EPB41L4A: variants seen among roughly 807,000 people sequenced by gnomAD.
The protein encoded by EPB41L4A is band 4.1-like protein 4A.
Under a neutral mutation model 108.6 loss-of-function variants are expected in EPB41L4A, and 100 were observed. The observed-to-expected ratio is 0.92, with a 90% CI of 0.78 to 1.09. The LOEUF (loss-of-function observed/expected upper bound fraction) is 1.09, where lower values mean the gene tolerates loss of function less well. Among genes scored for constraint, EPB41L4A ranks in the 50% least tolerant of loss-of-function variants. The pLI is 0.00. For missense variants in EPB41L4A, 1,030 were observed against 842.7 expected (o/e 1.22, Z -2.75); for synonymous variants, 319 against 289.0 (o/e 1.10, Z -1.05).
chr5:112,407,926 C>A (rs944934470), intron 1 of EPB41L4A, among the ~76,000 whole-genome samples: 1 of 152,322 alleles, frequency 6.6e-6, no homozygotes, highest in Middle Eastern at 3.4e-3. Flanking sequence ...TACAGTGTCG[C>A]TGCTCCAGGA....
intron 1 of EPB41L4A, among the ~76,000 whole-genome samples, chr5:112,313,281 A>T (rs893499177): frequency 2.0e-5 from 3 of 152,190 alleles, no homozygotes; most frequent in African/African-American, 7.2e-5. Flanking sequence ...ACAGGGAGAG[A>T]TTTGGTTATC....
At chr5:112,281,310 G>A (rs898778279) in intron 2 of EPB41L4A, among the ~76,000 whole-genome samples, 1 of 152,210 alleles carries the variant, frequency 6.6e-6, no homozygotes, top group Non-Finnish European at 1.5e-5. Context: ...GTCCTGGGGA[G>A]AGGCCTTCCT....
At position 112,264,946 on chromosome 5, in the gene EPB41L4A, A is replaced by T; in HGVS notation, c.504T>A (p.Asp168Glu). Residue 168 changes from aspartate to glutamate, a missense_variant, in exon 6 of 23, where the codon GAT becomes GAA. Transcript: ENST00000261486. ...GYVSEYRFVP[D>E]QKEELEEAIE... ...TGGCTTCTTCAAGTTCTTCCTTCTG[A>T]TCAGGAACAAACCGGTACTCAGATA... The T allele has an allele frequency of 6.2e-7, 1 of 1,612,588 alleles. No individual in the cohort carries two copies. The highest frequency in any genetic ancestry group is 8.5e-7 in the Non-Finnish European group (1 of 1,179,356).
At chr5:112,203,551 C>T (rs1439437183) in intron 15 of EPB41L4A, among the ~76,000 whole-genome samples, 1 of 152,152 alleles carries the variant, frequency 6.6e-6, no homozygotes, top group Non-Finnish European at 1.5e-5. Context: ...AGGTCCAAAA[C>T]TTCCAGCTAA....
downstream of EPB41L4A, chr5:112,160,761 C>G (rs1404592925): frequency 6.4e-6 from 1 of 155,882 alleles, no homozygotes; most frequent in Non-Finnish European, 1.5e-5. Flanking sequence ...ACGGCGGCGT[C>G]TCGCCATAGC....
At chr5:112,374,844 G>A (rs1357537571) in intron 1 of EPB41L4A, among the ~76,000 whole-genome samples, 2 of 152,214 alleles carry the variant, frequency 1.3e-5, no homozygotes, top group African/African-American at 4.8e-5. Context: ...AGTCTATCCT[G>A]TGGCCTTTCA....
chr5:112,382,827 G>A (rs535271108), intron 1 of EPB41L4A, among the ~76,000 whole-genome samples: 11 of 152,200 alleles, frequency 7.2e-5, no homozygotes, highest in Non-Finnish European at 1.2e-4. Context: ...CACATTCCTA[G>A]TTACTCTCCA....
At chr5:112,258,281 T>G (rs377573192) in intron 9 of EPB41L4A, among the ~76,000 whole-genome samples, 1 of 152,210 alleles carries the variant, frequency 6.6e-6, no homozygotes, top group Non-Finnish European at 1.5e-5. Flanking sequence ...ACCTACTACA[T>G]GTGAGGCACT....
At chr5:112,371,471 C>G (rs1759490437) in intron 1 of EPB41L4A, among the ~76,000 whole-genome samples, 1 of 152,148 alleles carries the variant, frequency 6.6e-6, no homozygotes, top group Admixed American at 6.5e-5. Flanking sequence ...AATCCCTTGG[C>G]CCCACTTCCC....
intron 12 of EPB41L4A, among the ~76,000 whole-genome samples, chr5:112,233,624 G>T (rs1030020828): frequency 5.3e-5 from 8 of 151,788 alleles, no homozygotes; most frequent in Admixed American, 3.3e-4. Flanking sequence ...TGTTGCTCAG[G>T]CTATACTCAA....
At chr5:112,343,264 T>G (rs986996522) in intron 1 of EPB41L4A, among the ~76,000 whole-genome samples, 1 of 152,176 alleles carries the variant, frequency 6.6e-6, no homozygotes, top group Non-Finnish European at 1.5e-5. Context: ...AATGAGTTTC[T>G]CAGTCCTTCT....
chr5:112,274,424 G>C (rs1251703313), intron 4 of EPB41L4A, among the ~76,000 whole-genome samples: 1 of 152,110 alleles, frequency 6.6e-6, no homozygotes, highest in African/African-American at 2.4e-5. Context: ...TTCAAAGTGG[G>C]ATGAAAAAGG....
At position 112,265,145 on chromosome 5, in the gene EPB41L4A, T is replaced by C. The variant is rs1751761720; in HGVS notation, c.434-129A>G. The C allele has an allele frequency of 6.2e-6, 5 of 804,454 alleles. No individual in the cohort carries two copies. In the Admixed American group the frequency reaches 1.6e-4, roughly 26 times the overall value. 49.8% of individuals were successfully genotyped at this position (804,454 alleles called of 1,614,324 possible). A position where few individuals can be genotyped will look rare whatever the true frequency, so the allele number is the denominator to read the frequency against. ...TACTAAAATTCACATATAAGACAAC[T>C]AAATAATTTTACTAAAACAAATCTG... On this transcript the variant is annotated intron_variant, in intron 5 of 22. Transcript: ENST00000261486.
chr5:112,202,605 T>A (rs1438921363), intron 15 of EPB41L4A, among the ~76,000 whole-genome samples: 5 of 152,284 alleles, frequency 3.3e-5, no homozygotes, highest in African/African-American at 2.4e-5. Context: ...ACCCTATTAT[T>A]CTGTCTAATC....
intron 1 of EPB41L4A, among the ~76,000 whole-genome samples, chr5:112,356,308 C>G (rs1758355605): frequency 6.6e-6 from 1 of 152,142 alleles, no homozygotes; most frequent in Non-Finnish European, 1.5e-5. Context: ...GAGGTTAATA[C>G]TATCATCAAA....
chr5:112,237,520 C>T (rs1199126121), intron 11 of EPB41L4A, among the ~76,000 whole-genome samples: 1 of 152,148 alleles, frequency 6.6e-6, no homozygotes, highest in Non-Finnish European at 1.5e-5. Flanking sequence ...ATTACACACA[C>T]AAACACACCC....
At chr5:112,209,253 A>G (rs1762614775) in intron 13 of EPB41L4A, among the ~76,000 whole-genome samples, 1 of 152,254 alleles carries the variant, frequency 6.6e-6, no homozygotes, top group African/African-American at 2.4e-5. Context: ...ATTGTTGTTT[A>G]TAATGCTGTT....
intron 1 of EPB41L4A, among the ~76,000 whole-genome samples, chr5:112,344,993 A>G (rs1469069841): frequency 2.6e-5 from 4 of 152,242 alleles, no homozygotes; most frequent in Admixed American, 2.6e-4. Context: ...TGGTAACTAT[A>G]TTATTTCCTC....
rs535782581 is a variant in EPB41L4A, at chr5:112,405,649, C to A, written c.99+13292G>T. ...AAATATTTTAGATCTTGAAACAGAGCCAGCCACGAGGGTTTCAGATAAGGC... is the reference window on the plus strand; with the variant it reads ...AAATATTTTAGATCTTGAAACAGAGACAGCCACGAGGGTTTCAGATAAGGC... On this transcript the variant is annotated intron_variant, in intron 1 of 22. Transcript: ENST00000261486. Among the ~76,000 whole-genome samples the A allele has an allele frequency of 2.1e-4, 32 of 152,254 alleles. 1 individual carries two copies. The highest frequency in any genetic ancestry group is 7.2e-4 in the African/African-American group (30 of 41,546).
Sources: gnomAD v4.1 joint callset for allele counts (sites outside exome capture counted in the v4.1 genomes callset) on GRCh38, gnomAD v4.1.1 for gene constraint, MANE v1.5 for transcripts, NCBI Gene and HGNC (gene_info 2026-07-23, HGNC 2026-07-21) for gene names.